The following FUT9 variants were observed in gnomAD, a reference collection of about 807,000 sequenced individuals.
FUT9 encodes 4-galactosyl-N-acetylglucosaminide 3-alpha-L-fucosyltransferase 9.
In FUT9, 15 loss-of-function variants were observed where a neutral mutation model predicts 29.7. The observed-to-expected ratio is 0.51, with a 90% CI of 0.34 to 0.78. The LOEUF (loss-of-function observed/expected upper bound fraction) is 0.78, where lower values mean the gene tolerates loss of function less well. Among genes scored for constraint, FUT9 ranks in the 30% least tolerant of loss-of-function variants. FUT9 has a pLI of 0.01. For missense variants in FUT9, 319 were observed against 425.4 expected (o/e 0.75, Z 2.20); for synonymous variants, 169 against 153.7 (o/e 1.10, Z -0.74).
chr6:96,163,016 C>T (rs1385879492), intron 2 of FUT9, among the ~76,000 whole-genome samples: 1 of 152,080 alleles, frequency 6.6e-6, no homozygotes, highest in Non-Finnish European at 1.5e-5. Flanking sequence ...GGTTATTTTC[C>T]TCTCCCTCTC....
intron 1 of FUT9, among the ~76,000 whole-genome samples, chr6:96,104,242 T>A (rs770891911): frequency 6.6e-6 from 1 of 152,178 alleles, no homozygotes; most frequent in Non-Finnish European, 1.5e-5. Flanking sequence ...CCAGAGTAGA[T>A]CAGCTACGAA....
chr6:96,081,312 A>G (rs1771233591), intron 1 of FUT9, among the ~76,000 whole-genome samples: 1 of 151,020 alleles, frequency 6.6e-6, no homozygotes, highest in Non-Finnish European at 1.5e-5. Flanking sequence ...ATTCTTTCAC[A>G]CACAAACACA....
At chr6:96,060,513 T>C (rs9498925) in intron 1 of FUT9, among the ~76,000 whole-genome samples, 82,289 of 151,274 alleles carry the variant, frequency 0.54, 22,463 homozygotes, top group South Asian at 0.63. Context: ...ATCTGTAACA[T>C]TAAGCATAAC....
At chr6:96,080,225 A>G (rs1431565761) in intron 1 of FUT9, among the ~76,000 whole-genome samples, 2 of 151,976 alleles carry the variant, frequency 1.3e-5, no homozygotes, top group African/African-American at 2.4e-5. Context: ...TGTTTCTAAA[A>G]AAAAAGCCAG....
At chr6:96,053,401 T>C (rs1770707580) in intron 1 of FUT9, among the ~76,000 whole-genome samples, 2 of 152,126 alleles carry the variant, frequency 1.3e-5, no homozygotes, top group South Asian at 2.1e-4. Flanking sequence ...GCCTGAACCA[T>C]TCAAACTTAA....
intron 2 of FUT9, among the ~76,000 whole-genome samples, chr6:96,170,478 C>CA (rs1773091355): frequency 6.6e-6 from 1 of 151,426 alleles, no homozygotes; most frequent in South Asian, 2.1e-4. Context: ...TCAAACTGTC[C>CA]TTTTTTTTCT....
At chr6:96,122,784 C>T (rs554544680) in intron 2 of FUT9, among the ~76,000 whole-genome samples, 4 of 152,030 alleles carry the variant, frequency 2.6e-5, no homozygotes, top group South Asian at 2.1e-4. Context: ...CGGTGGCTCA[C>T]GCCTGTAATT....
At chr6:96,110,266 T>A (rs1470943540) in intron 1 of FUT9, among the ~76,000 whole-genome samples, 1 of 152,170 alleles carries the variant, frequency 6.6e-6, no homozygotes, top group African/African-American at 2.4e-5. Flanking sequence ...TGACATCTGG[T>A]TAAAGCTGCG....
At chr6:96,078,934 C>A (rs905322517) in intron 1 of FUT9, among the ~76,000 whole-genome samples, 1 of 152,098 alleles carries the variant, frequency 6.6e-6, no homozygotes, top group African/African-American at 2.4e-5. Flanking sequence ...GCCAACCATT[C>A]TGTTTCTGAA....
At chr6:96,139,083 CCA>C (rs1772412910) in intron 2 of FUT9, among the ~76,000 whole-genome samples, 1 of 151,992 alleles carries the variant, frequency 6.6e-6, no homozygotes, top group Non-Finnish European at 1.5e-5. Context: ...TGAAGAAACA[CCA>C]GAGACTGGGT....
intron 1 of FUT9, among the ~76,000 whole-genome samples, chr6:96,069,283 T>C (rs1284239696): frequency 2.6e-5 from 4 of 151,192 alleles, no homozygotes; most frequent in Middle Eastern, 6.8e-3. Flanking sequence ...ATCGCGCCAC[T>C]GAACTCCAGC....
intron 2 of FUT9, among the ~76,000 whole-genome samples, chr6:96,197,415 C>T (rs1206666719): frequency 6.9e-6 from 1 of 145,106 alleles, no homozygotes; most frequent in Admixed American, 7.2e-5. Context: ...TTATAGCATT[C>T]CAGAGATCAA....
chr6:96,028,704 T>C (rs1336353703), intron 1 of FUT9, among the ~76,000 whole-genome samples: 1 of 151,542 alleles, frequency 6.6e-6, no homozygotes, highest in South Asian at 2.1e-4. Flanking sequence ...CAAGTGACAA[T>C]TGGATAATCC....
Position 96,212,850 on chromosome 6 carries a change from T to C in FUT9, c.*8615T>C, listed in dbSNP as rs6571134. The C allele has an allele frequency of 0.92, 153,481 of 166,790 alleles. 72,030 individuals are homozygous for C. Among genetic ancestry groups the C allele is most frequent in the Non-Finnish European group, 1 (67,911 of 68,040 alleles). The allele number at this position is 166,790 out of a possible 1,614,324, so 10.3% of individuals were successfully genotyped here. A position where few individuals can be genotyped will look rare whatever the true frequency, so the allele number is the denominator to read the frequency against. ...CACAAAGCGGCAAAAAGGAGAAAAG[T>C]GTCAACAAGAAACAAGAAGAGGAGT... On this transcript the variant is annotated 3_prime_UTR_variant, in exon 3 of 3. Coordinates refer to ENST00000302103, the MANE Select transcript of FUT9 (RefSeq NM_006581.4).
At chr6:96,023,006 T>G (rs1427010694) in intron 1 of FUT9, among the ~76,000 whole-genome samples, 1 of 151,872 alleles carries the variant, frequency 6.6e-6, no homozygotes, top group Non-Finnish European at 1.5e-5. Flanking sequence ...ACAGGTTAAT[T>G]AGGGATGTGG....
chr6:96,017,399 T>C (rs1331437528), intron 1 of FUT9, among the ~76,000 whole-genome samples: 2 of 152,344 alleles, frequency 1.3e-5, no homozygotes, highest in African/African-American at 4.8e-5. Context: ...TTTACCGTTT[T>C]ATTATTTCTA....
intron 1 of FUT9, among the ~76,000 whole-genome samples, chr6:96,109,973 A>G (rs1247208001): frequency 6.6e-6 from 1 of 152,106 alleles, no homozygotes; most frequent in South Asian, 2.1e-4. Flanking sequence ...TTGTTTGAAC[A>G]TGCAGTGCTT....
chr6:96,184,150 A>G (rs1358984929), intron 2 of FUT9, among the ~76,000 whole-genome samples: 1 of 151,890 alleles, frequency 6.6e-6, no homozygotes, highest in African/African-American at 2.4e-5. Context: ...TGTTCAGGGT[A>G]TCTAATTCTT....
chr6:96,046,198 A>G (rs1051842626), intron 1 of FUT9, among the ~76,000 whole-genome samples: 1 of 140,546 alleles, frequency 7.1e-6, no homozygotes, highest in African/African-American at 2.8e-5. Context: ...ATGTTTATAT[A>G]CCATGACCCA....
Sources: allele counts gnomAD v4.1 joint callset (sites outside exome capture counted in the v4.1 genomes callset), GRCh38; gene constraint gnomAD v4.1.1; transcripts MANE v1.5; gene names NCBI Gene and HGNC (gene_info 2026-07-23, HGNC 2026-07-21).